NKAIN3: variants seen among roughly 807,000 people sequenced by gnomAD.
NKAIN3 encodes sodium/potassium-transporting ATPase subunit beta-1-interacting protein 3.
In NKAIN3, 25 loss-of-function variants were observed where a neutral mutation model predicts 30.2. The ratio of observed to expected loss-of-function variants is 0.83; its 90% confidence interval spans 0.60 to 1.16. NKAIN3 has a LOEUF of 1.16. Among genes scored for constraint, NKAIN3 ranks in the 50% most tolerant of loss-of-function variants. The probability of loss-of-function intolerance (pLI) is 0.00; values close to 1 mark genes in which losing one functional copy is unlikely to be tolerated. For synonymous variants in NKAIN3, 91 were observed against 89.6 expected (o/e 1.02, Z -0.09); for missense variants, 225 against 254.1 (o/e 0.89, Z 0.78).
chr8:62,347,528 A>G (rs573127611), intron 1 of NKAIN3, among the ~76,000 whole-genome samples: 17 of 152,234 alleles, frequency 1.1e-4, no homozygotes, highest in African/African-American at 3.1e-4. Flanking sequence ...GAAGATCAAA[A>G]AGTAGACATT....
At chr8:62,481,666 A>G (rs372013136) in intron 1 of NKAIN3, among the ~76,000 whole-genome samples, 1 of 152,228 alleles carries the variant, frequency 6.6e-6, no homozygotes, top group African/African-American at 2.4e-5. Context: ...AAGGTCATCT[A>G]GAAATCGATA....
chr8:62,534,883 T>C, intron 1 of NKAIN3, among the ~76,000 whole-genome samples: 1 of 149,224 alleles, frequency 6.7e-6, no homozygotes, highest in East Asian at 2.0e-4. Flanking sequence ...TTCGTATAGT[T>C]TCTGATTTTC....
At chr8:62,386,609 C>T (rs1817431784) in intron 1 of NKAIN3, among the ~76,000 whole-genome samples, 1 of 151,986 alleles carries the variant, frequency 6.6e-6, no homozygotes, top group African/African-American at 2.4e-5. Flanking sequence ...TATGACAAAT[C>T]TTGCTTTACA....
At chr8:62,872,885 A>C (rs1233675606) in intron 4 of NKAIN3, among the ~76,000 whole-genome samples, 2 of 152,168 alleles carry the variant, frequency 1.3e-5, no homozygotes, top group Non-Finnish European at 2.9e-5. Context: ...GAAAGGAAAA[A>C]CTGGTACCAG....
intron 4 of NKAIN3, among the ~76,000 whole-genome samples, chr8:62,747,544 A>G: frequency 6.6e-6 from 1 of 152,174 alleles, no homozygotes; most frequent in Non-Finnish European, 1.5e-5. Flanking sequence ...CTGACATTTC[A>G]TTTATTCCTT....
intron 1 of NKAIN3, among the ~76,000 whole-genome samples, chr8:62,408,616 T>A (rs1259968575): frequency 6.6e-6 from 1 of 152,180 alleles, no homozygotes; most frequent in Non-Finnish European, 1.5e-5. Flanking sequence ...TTAGAGGAAG[T>A]AGAGGTGATT....
intron 3 of NKAIN3, among the ~76,000 whole-genome samples, chr8:62,715,316 C>T (rs961708986): frequency 1.3e-5 from 2 of 152,158 alleles, no homozygotes; most frequent in African/African-American, 4.8e-5. Flanking sequence ...GAGCCAGTGT[C>T]CAGGTTGACT....
chr8:62,688,641 A>T (rs904597380), intron 3 of NKAIN3, among the ~76,000 whole-genome samples: 5 of 152,138 alleles, frequency 3.3e-5, no homozygotes, highest in African/African-American at 1.2e-4. Flanking sequence ...AGTTCTGTCA[A>T]GTAAAAATTC....
Position 62,968,136 on chromosome 8 carries a change from A to T in NKAIN3, c.*2729A>T, listed in dbSNP as rs1722831182. 6.6e-6 allele frequency among the ~76,000 whole-genome samples: 1 copy of T among 152,240 alleles called. No homozygotes were observed. The highest frequency in any genetic ancestry group is 2.4e-5 in the African/African-American group (1 of 41,462). ...TTGCCACTCATCAGAAACAAGTTAG[A>T]TTGATCTGCCACCTCCTCTTCTCTC... On this transcript the variant is annotated 3_prime_UTR_variant, in exon 7 of 7. Transcript: ENST00000623646.
chr8:62,453,494 C>T (rs557490406), intron 1 of NKAIN3, among the ~76,000 whole-genome samples: 1 of 151,954 alleles, frequency 6.6e-6, no homozygotes, highest in South Asian at 2.1e-4. Flanking sequence ...TAAACCAGCC[C>T]CAGGTCTAAC....
intron 3 of NKAIN3, among the ~76,000 whole-genome samples, chr8:62,620,119 A>G (rs560533284): frequency 6.6e-6 from 1 of 152,286 alleles, no homozygotes; most frequent in Admixed American, 6.5e-5. Flanking sequence ...TTGAAGAGTG[A>G]AAAGTCATAA....
At chr8:62,824,749 T>C (rs899676) in intron 4 of NKAIN3, among the ~76,000 whole-genome samples, 82,231 of 151,808 alleles carry the variant, frequency 0.54, 24,052 homozygotes, top group Non-Finnish European at 0.67. Context: ...TCTGACCAGT[T>C]CTAACTCTAC....
At chr8:62,520,314 T>C (rs902761921) in intron 1 of NKAIN3, among the ~76,000 whole-genome samples, 11 of 152,162 alleles carry the variant, frequency 7.2e-5, no homozygotes, top group Admixed American at 2.6e-4. Flanking sequence ...TTTCCACCGA[T>C]TAAAGGATTC....
intron 3 of NKAIN3, among the ~76,000 whole-genome samples, chr8:62,712,432 G>C (rs1320468082): frequency 1.3e-5 from 2 of 152,018 alleles, no homozygotes; most frequent in Admixed American, 6.6e-5. Flanking sequence ...GGAGGATGGG[G>C]GTAAGATTCA....
intron 4 of NKAIN3, among the ~76,000 whole-genome samples, chr8:62,860,716 A>G (rs1437998828): frequency 1.3e-5 from 2 of 152,226 alleles, no homozygotes; most frequent in African/African-American, 2.4e-5. Context: ...TATCTGATGC[A>G]GATTGGTCCG....
At chr8:62,581,575 C>T (rs1348271117) in intron 2 of NKAIN3, among the ~76,000 whole-genome samples, 2 of 152,148 alleles carry the variant, frequency 1.3e-5, no homozygotes, top group African/African-American at 4.8e-5. Context: ...TACCTTTCTC[C>T]CTTCCAATTT....
intron 4 of NKAIN3, chr8:62,863,315 G>A (rs2130790560): frequency 2.6e-6 from 4 of 1,549,734 alleles, no homozygotes; most frequent in East Asian, 2.3e-5. Context: ...GACCCTGAAG[G>A]AGGAGGAATA....
At chr8:62,718,516 C>G (rs531998395) in intron 3 of NKAIN3, among the ~76,000 whole-genome samples, 8 of 152,226 alleles carry the variant, frequency 5.3e-5, no homozygotes, top group Non-Finnish European at 1.0e-4. Context: ...ATTTATTAAA[C>G]TAATTTATCT....
Position 62,968,263 on chromosome 8 carries a change from G to A in NKAIN3, c.*2856G>A, listed in dbSNP as rs1470257060. On this transcript the variant is annotated 3_prime_UTR_variant, in exon 7 of 7. Coordinates refer to ENST00000623646, the MANE Select transcript of NKAIN3 (RefSeq NM_001304533.3). ...AGTGCAGAGTTGTACAGTAATACTT[G>A]GCAATTACCCGTTAATCTGGGTAAT... 2.0e-5 allele frequency among the ~76,000 whole-genome samples: 3 copies of A among 152,074 alleles called. No homozygotes were observed. The highest frequency in any genetic ancestry group is 4.4e-5 in the Non-Finnish European group (3 of 68,018).
Sources: gnomAD v4.1 joint callset for allele counts (sites outside exome capture counted in the v4.1 genomes callset) on GRCh38, gnomAD v4.1.1 for gene constraint, MANE v1.5 for transcripts, NCBI Gene and HGNC (gene_info 2026-07-23, HGNC 2026-07-21) for gene names.